Variants in BZW2 observed in about 807,000 individuals in gnomAD.
The protein encoded by BZW2 is basic leucine zipper and W2 domains 2, also known as eIF5-mimic protein 1.
BZW2 carries 23 observed loss-of-function variants against 53.2 expected under a neutral mutation model. The ratio of observed to expected loss-of-function variants is 0.43; its 90% CI spans 0.31 to 0.61. The LOEUF is 0.61. BZW2 is among the 20% of genes least tolerant of loss of function. BZW2 has a pLI of 0.09. For missense variants in BZW2, 409 were observed against 503.1 expected (o/e 0.81, Z 1.79); for synonymous variants, 227 against 186.4 (o/e 1.22, Z -1.77).
chr7:16,673,267 G>GA (rs1490826452), intron 2 of BZW2, among the ~76,000 whole-genome samples: 1 of 151,866 alleles, frequency 6.6e-6, no homozygotes, highest in Non-Finnish European at 1.5e-5. Flanking sequence ...ACTTTCTAAG[G>GA]AAAAAAAGCT....
intron 1 of BZW2, among the ~76,000 whole-genome samples, chr7:16,659,677 A>T (rs1782202151): frequency 6.6e-6 from 1 of 152,156 alleles, no homozygotes; most frequent in South Asian, 2.1e-4. Context: ...CATTTAAAAT[A>T]TAGAATAAAA....
At chr7:16,679,649 A>C (rs958096651) in intron 3 of BZW2, among the ~76,000 whole-genome samples, 1 of 152,248 alleles carries the variant, frequency 6.6e-6, no homozygotes, top group Non-Finnish European at 1.5e-5. Context: ...ATCACAAGTT[A>C]AATCAAGGTG....
chr7:16,672,395 C>G (rs1404417859), intron 2 of BZW2, among the ~76,000 whole-genome samples: 4 of 152,050 alleles, frequency 2.6e-5, no homozygotes, highest in African/African-American at 9.7e-5. Context: ...TTAGGTTTCT[C>G]TTAATGCTTC....
chr7:16,702,179 T>C (rs1783687419), intron 10 of BZW2, among the ~76,000 whole-genome samples: 1 of 152,180 alleles, frequency 6.6e-6, no homozygotes, highest in Admixed American at 6.5e-5. Context: ...TTATCCTTAG[T>C]GAGGGAAAAA....
intron 2 of BZW2, among the ~76,000 whole-genome samples, chr7:16,666,642 C>T (rs2128354947): frequency 6.6e-6 from 1 of 152,144 alleles, no homozygotes; most frequent in South Asian, 2.1e-4. Flanking sequence ...ACCTTGTGAT[C>T]CGCCTATTTA....
intron 7 of BZW2, 141 bp downstream of exon 7, chr7:16,690,047 A>G: frequency 2.1e-6 from 1 of 474,370 alleles, no homozygotes; most frequent in Admixed American, 4.2e-5. Context: ...TGTAATTGGT[A>G]GTAGAAGCTA....
At chr7:16,650,703 G>A (rs1258565935) in intron 1 of BZW2, among the ~76,000 whole-genome samples, 1 of 152,094 alleles carries the variant, frequency 6.6e-6, no homozygotes, top group Admixed American at 6.5e-5. Flanking sequence ...ACCAATCTTA[G>A]CAGGTCATAA....
intron 1 of BZW2, among the ~76,000 whole-genome samples, chr7:16,662,885 CT>C (rs1782308769): frequency 6.6e-6 from 1 of 152,150 alleles, no homozygotes; most frequent in South Asian, 2.1e-4. Context: ...GAGCTACATT[CT>C]TTTTGCATCT....
At chr7:16,698,850 G>C (rs1783582594) in intron 10 of BZW2, among the ~76,000 whole-genome samples, 1 of 152,050 alleles carries the variant, frequency 6.6e-6, no homozygotes, top group Admixed American at 6.5e-5. Flanking sequence ...GGGAGAAAAA[G>C]GAACACTTAA....
At chr7:16,655,730 C>G (rs1340305084) in intron 1 of BZW2, among the ~76,000 whole-genome samples, 2 of 152,210 alleles carry the variant, frequency 1.3e-5, no homozygotes, top group South Asian at 4.1e-4. Context: ...TTCTGTGATA[C>G]CAACTTTTTT....
At chr7:16,665,298 T>C (rs7806389) in intron 1 of BZW2, 139 bp from the exon 2 acceptor site, 80,365 of 1,002,990 alleles carry the variant, frequency 0.08, 10,635 homozygotes, top group African/African-American at 0.54. Context: ...AGCGAGACTC[T>C]GTCTCAATTG....
intron 1 of BZW2, among the ~76,000 whole-genome samples, chr7:16,648,872 A>G (rs1475671889): frequency 1.3e-5 from 2 of 152,136 alleles, no homozygotes; most frequent in African/African-American, 4.8e-5. Context: ...AATTTAAACA[A>G]AACCTCTTTT....
chr7:16,653,498 G>C (rs966146284), intron 1 of BZW2, among the ~76,000 whole-genome samples: 1 of 151,954 alleles, frequency 6.6e-6, no homozygotes. Flanking sequence ...TCATCTCCTG[G>C]TTCTCCTCAC....
At position 16,704,624 on chromosome 7, in the gene BZW2, G is replaced by T; in HGVS notation, c.1186G>T (p.Asp396Tyr). The change falls in exon 11 of 12, where the codon GAC becomes TAC. Residue 396 changes from aspartate to tyrosine, a missense_variant. Coordinates refer to ENST00000258761, the MANE Select transcript of BZW2 (RefSeq NM_014038.3). Reference sequence around the variant, plus strand: ...TGCTAAAGGCAAAAGTGTTTTTCTTGACCAGATGAAGAAATTTGTTGAGTG... The same window carrying T: ...TGCTAAAGGCAAAAGTGTTTTTCTTTACCAGATGAAGAAATTTGTTGAGTG... ...HVAKGKSVFLDQMKKFVEWLQ... is the reference protein window; with the variant it reads ...HVAKGKSVFLYQMKKFVEWLQ... The T allele has an allele frequency of 6.3e-7, 1 of 1,593,266 alleles. No individual in the cohort carries two copies. Among genetic ancestry groups the T allele is most frequent in the South Asian group, 1.1e-5 (1 of 88,938 alleles).
At chr7:16,690,030 A>G in intron 7 of BZW2, 124 bp downstream of exon 7, 1 of 543,240 alleles carries the variant, frequency 1.8e-6, no homozygotes, top group South Asian at 5.3e-5. Flanking sequence ...TGTTCCTTTT[A>G]TTTCTGTGTA....
chr7:16,697,961 C>T, intron 9 of BZW2, 87 bp from the exon 10 acceptor site: 1 of 1,510,350 alleles, frequency 6.6e-7, no homozygotes, highest in South Asian at 1.2e-5. Flanking sequence ...TTCTAAGCAA[C>T]CCTCCAGGTT....
chr7:16,659,988 T>A (rs893404532), intron 1 of BZW2, among the ~76,000 whole-genome samples: 9 of 152,096 alleles, frequency 5.9e-5, no homozygotes, highest in African/African-American at 2.2e-4. Context: ...CTCCCAATGC[T>A]ATCCCTTCCC....
chr7:16,650,428 G>A (rs1363309901), intron 1 of BZW2, among the ~76,000 whole-genome samples: 2 of 152,168 alleles, frequency 1.3e-5, no homozygotes, highest in Admixed American at 1.3e-4. Context: ...AAACTGTTTC[G>A]AGCAATGTCA....
intron 6 of BZW2, 183 bp downstream of exon 6, chr7:16,686,223 AG>A: frequency 3.1e-6 from 3 of 961,788 alleles, no homozygotes; most frequent in Non-Finnish European, 4.5e-6. Context: ...TGTTAATTGT[AG>A]GAAGTTTGAA....
Sources: gnomAD v4.1 joint callset for allele counts (sites outside exome capture counted in the v4.1 genomes callset) on GRCh38, gnomAD v4.1.1 for gene constraint, MANE v1.5 for transcripts, NCBI Gene and HGNC (gene_info 2026-07-23, HGNC 2026-07-21) for gene names.